Variants in PPFIA2 observed in about 807,000 individuals in gnomAD.
The protein encoded by PPFIA2 is PPFI scaffold protein A2.
A neutral mutation model predicts 175.5 loss-of-function variants in PPFIA2; 46 were observed. The ratio of observed to expected loss-of-function variants is 0.26; its 90% CI spans 0.21 to 0.34. PPFIA2 has a LOEUF of 0.34. Ranked by LOEUF, PPFIA2 falls within the 10% of genes least tolerant of loss-of-function variation. The probability of loss-of-function intolerance (pLI) is 1.00; values close to 1 mark genes in which losing one functional copy is unlikely to be tolerated. For missense variants in PPFIA2, 1,179 were observed against 1,506.1 expected (o/e 0.78, Z 3.60); for synonymous variants, 568 against 511.4 (o/e 1.11, Z -1.49).
chr12:81,421,657 T>A (rs2046262845), intron 7 of PPFIA2, among the ~76,000 whole-genome samples: 1 of 151,904 alleles, frequency 6.6e-6, no homozygotes, highest in Non-Finnish European at 1.5e-5. Flanking sequence ...AGAAAGCAAT[T>A]AACAAAAAGA....
At chr12:81,375,764 A>G (rs776591436) in intron 10 of PPFIA2, 32 bp downstream of exon 10, 1 of 1,568,646 alleles carries the variant, frequency 6.4e-7, no homozygotes. Context: ...GAACGCACAG[A>G]CCAGAAGAAA....
At chr12:81,580,286 G>A (rs925974584) in intron 4 of PPFIA2, among the ~76,000 whole-genome samples, 2 of 151,710 alleles carry the variant, frequency 1.3e-5, no homozygotes, top group African/African-American at 4.8e-5. Context: ...CCATTTTACA[G>A]ATGTAAAAAG....
intron 23 of PPFIA2, chr12:81,296,886 T>C: frequency 6.6e-6 from 1 of 152,016 alleles, no homozygotes; most frequent in East Asian, 1.9e-4. Context: ...ATAATCTCCT[T>C]CTTTTGGGGG....
intron 7 of PPFIA2, among the ~76,000 whole-genome samples, chr12:81,421,083 G>A (rs1182323127): frequency 1.3e-5 from 2 of 152,076 alleles, no homozygotes; most frequent in Non-Finnish European, 2.9e-5. Flanking sequence ...TTCTTTAAAA[G>A]TGAAGAAGGG....
intron 4 of PPFIA2, among the ~76,000 whole-genome samples, chr12:81,611,928 T>C (rs915732900): frequency 1.3e-5 from 2 of 152,074 alleles, no homozygotes; most frequent in Non-Finnish European, 2.9e-5. Flanking sequence ...CAAATCTCAT[T>C]TCCCTCACTC....
At position 81,753,687 on chromosome 12, in the gene PPFIA2, A is replaced by G. The variant is rs950502335; in HGVS notation, c.249+286T>C. Among the ~76,000 whole-genome samples, 6 of 152,180 alleles carry G rather than the reference A, an allele frequency of 3.9e-5. No individual in the cohort carries two copies. The South Asian group carries it at 6.2e-4, about 16-fold the overall frequency. The stretch of plus-strand genomic sequence containing the variant: ...TCCACATTCTGGTCATTAAAAGCTG[A>G]TCCACAAGTGGTTTTCTACCTCCCT... On this transcript the variant is annotated intron_variant, in intron 3 of 32. Coordinates refer to ENST00000549396, the MANE Select transcript of PPFIA2 (RefSeq NM_003625.5).
At chr12:81,392,004 G>A (rs1343086848) in intron 8 of PPFIA2, among the ~76,000 whole-genome samples, 1 of 151,830 alleles carries the variant, frequency 6.6e-6, no homozygotes, top group Non-Finnish European at 1.5e-5. Context: ...GAAAACTATA[G>A]GAAGGTGTTG....
At chr12:81,663,854 G>A (rs529309957) in intron 4 of PPFIA2, among the ~76,000 whole-genome samples, 1 of 152,228 alleles carries the variant, frequency 6.6e-6, no homozygotes, top group South Asian at 2.1e-4. Flanking sequence ...TAGACCAATG[G>A]AACAGAATAG....
At chr12:81,264,181 G>C (rs950199717) in intron 30 of PPFIA2, among the ~76,000 whole-genome samples, 3 of 152,158 alleles carry the variant, frequency 2.0e-5, no homozygotes, top group East Asian at 1.9e-4. Flanking sequence ...ACATAGGCTA[G>C]TGTCTCTACT....
At chr12:81,350,986 G>A (rs2059907770) in intron 17 of PPFIA2, among the ~76,000 whole-genome samples, 1 of 152,080 alleles carries the variant, frequency 6.6e-6, no homozygotes, top group Non-Finnish European at 1.5e-5. Context: ...ATATTCAGAA[G>A]AACACAAATC....
chr12:81,514,202 C>T (rs1049653906), intron 4 of PPFIA2, among the ~76,000 whole-genome samples: 1 of 151,902 alleles, frequency 6.6e-6, no homozygotes, highest in Non-Finnish European at 1.5e-5. Flanking sequence ...TATATAGGGT[C>T]AGTGCAATGA....
At chr12:81,296,050 A>G (rs1359114518) in intron 23 of PPFIA2, among the ~76,000 whole-genome samples, 2 of 152,052 alleles carry the variant, frequency 1.3e-5, no homozygotes, top group African/African-American at 4.8e-5. Flanking sequence ...TCACGCCTGT[A>G]ATCCTAGCAC....
At chr12:81,626,909 C>T (rs76243230) in intron 4 of PPFIA2, among the ~76,000 whole-genome samples, 9,258 of 152,012 alleles carry the variant, frequency 0.061, 410 homozygotes, top group East Asian at 0.23. Context: ...TAGAGAAATA[C>T]ACAAATTAGT....
At chr12:81,658,562 T>C (rs2068186046) in intron 4 of PPFIA2, among the ~76,000 whole-genome samples, 1 of 152,040 alleles carries the variant, frequency 6.6e-6, no homozygotes, top group South Asian at 2.1e-4. Flanking sequence ...TTTATTGTGT[T>C]AGATGAGAAC....
intron 22 of PPFIA2, among the ~76,000 whole-genome samples, chr12:81,311,500 G>A (rs1396314319): frequency 6.6e-6 from 1 of 152,044 alleles, no homozygotes; most frequent in East Asian, 1.9e-4. Context: ...TTGGGAGGCC[G>A]AGGCGGGTGG....
intron 4 of PPFIA2, among the ~76,000 whole-genome samples, chr12:81,627,898 T>C (rs1330257754): frequency 6.6e-6 from 1 of 152,078 alleles, no homozygotes; most frequent in South Asian, 2.1e-4. Context: ...TAATAATATG[T>C]CAGGACAAAA....
intron 4 of PPFIA2, among the ~76,000 whole-genome samples, chr12:81,620,432 C>CT (rs139568071): frequency 0.019 from 2,878 of 150,828 alleles, 85 homozygotes; most frequent in African/African-American, 0.064. Flanking sequence ...TTTAATGCAT[C>CT]TTTTTTTTTG....
chr12:81,603,574 A>G (rs1461731074), intron 4 of PPFIA2, among the ~76,000 whole-genome samples: 3 of 151,668 alleles, frequency 2.0e-5, no homozygotes, highest in Non-Finnish European at 4.4e-5. Context: ...TCCATTCTAA[A>G]GAATATAAAC....
intron 3 of PPFIA2, among the ~76,000 whole-genome samples, chr12:81,704,436 C>T (rs867063726): frequency 7.2e-5 from 11 of 151,936 alleles, no homozygotes; most frequent in Middle Eastern, 3.2e-3. Context: ...TATAAACACA[C>T]AAAACAACTT....
Sources: allele counts gnomAD v4.1 joint callset (sites outside exome capture counted in the v4.1 genomes callset), GRCh38; gene constraint gnomAD v4.1.1; transcripts MANE v1.5; gene names NCBI Gene and HGNC (gene_info 2026-07-23, HGNC 2026-07-21).